Variants in PTK2 observed in about 807,000 individuals in gnomAD.
PTK2 encodes focal adhesion kinase 1.
Under a neutral mutation model 150.1 loss-of-function variants are expected in PTK2, and 45 were observed. The observed-to-expected ratio is 0.30, with a 90% CI of 0.24 to 0.38. PTK2 has a LOEUF of 0.38. PTK2 is among the 10% of genes least tolerant of loss of function. PTK2 has a pLI of 1.00. For synonymous variants in PTK2, 432 were observed against 449.2 expected (o/e 0.96, Z 0.48); for missense variants, 919 against 1,307.3 (o/e 0.70, Z 4.58).
chr8:140,861,253 G>A (rs1185846590), intron 5 of PTK2, among the ~76,000 whole-genome samples: 1 of 152,164 alleles, frequency 6.6e-6, no homozygotes, highest in Non-Finnish European at 1.5e-5. Flanking sequence ...GGAGGCTGAG[G>A]CAGGGCGATT....
upstream of PTK2, chr8:141,001,333 C>G (rs2100200188): frequency 6.8e-6 from 1 of 147,584 alleles, no homozygotes; most frequent in African/African-American, 2.4e-5. Context: ...CTGAGGCGCG[C>G]GTCCTCTCTC....
At chr8:140,953,352 G>A (rs1043871936) in intron 1 of PTK2, among the ~76,000 whole-genome samples, 3 of 152,138 alleles carry the variant, frequency 2.0e-5, no homozygotes, top group Admixed American at 6.5e-5. Flanking sequence ...ATAACAATAT[G>A]CCAGCATCAC....
chr8:140,808,136 TG>T (rs1380298641), intron 10 of PTK2, among the ~76,000 whole-genome samples: 1 of 152,172 alleles, frequency 6.6e-6, no homozygotes, highest in African/African-American at 2.4e-5. Flanking sequence ...GATTTTAGGA[TG>T]GGAGAAACTA....
chr8:140,996,219 T>G (rs1023440667), intron 1 of PTK2, among the ~76,000 whole-genome samples: 3 of 152,194 alleles, frequency 2.0e-5, no homozygotes, highest in Non-Finnish European at 4.4e-5. Context: ...CAGAGAAAGC[T>G]CCTCCTCTTC....
At chr8:140,856,103 T>C (rs2100132417) in intron 5 of PTK2, among the ~76,000 whole-genome samples, 1 of 152,168 alleles carries the variant, frequency 6.6e-6, no homozygotes, top group African/African-American at 2.4e-5. Flanking sequence ...TATTAGTTGG[T>C]ACCCAGAGAA....
chr8:140,720,269 C>T (rs1287579976), intron 22 of PTK2, among the ~76,000 whole-genome samples: 1 of 152,160 alleles, frequency 6.6e-6, no homozygotes, highest in African/African-American at 2.4e-5. Context: ...AAAACACCTT[C>T]TGTTATACTT....
chr8:140,932,868 T>TTTTC (rs897646118), intron 1 of PTK2, among the ~76,000 whole-genome samples: 2 of 150,864 alleles, frequency 1.3e-5, no homozygotes, highest in African/African-American at 4.9e-5. Flanking sequence ...TCCCCTTTTT[T>TTTTC]TGAGATGAAG....
At chr8:140,711,545 T>C (rs1467239238) in intron 23 of PTK2, among the ~76,000 whole-genome samples, 1 of 152,260 alleles carries the variant, frequency 6.6e-6, no homozygotes, top group Non-Finnish European at 1.5e-5. Context: ...GTATAGTTTA[T>C]GAGGCACTGA....
In PTK2 at chr8:140,774,943, C is replaced by T. The variant is rs145067579; in HGVS notation, c.1178-10653G>A. 4.5e-3 allele frequency among the ~76,000 whole-genome samples: 685 copies of T among 152,352 alleles called. 4 individuals are homozygous for T. The highest frequency in any genetic ancestry group is 0.016 in the African/African-American group (648 of 41,586). On this transcript the variant is annotated intron_variant, in intron 14 of 31. Coordinates refer to ENST00000522684, the Ensembl canonical transcript of PTK2. ...GCCCACCTCTTTCCCAGAAAACTCA[C>T]TAATAATCCACCCCTTGTTTAGAAT...
intron 1 of PTK2, among the ~76,000 whole-genome samples, chr8:140,936,247 A>C (rs894495169): frequency 3.3e-5 from 5 of 152,222 alleles, no homozygotes; most frequent in Non-Finnish European, 7.3e-5. Context: ...GGAAAACAAG[A>C]AGCAGGATCA....
intron 10 of PTK2, 108 bp from the exon 11 acceptor site, chr8:140,803,758 GAC>G: frequency 9.9e-7 from 1 of 1,006,092 alleles, no homozygotes; most frequent in Admixed American, 2.2e-5. Context: ...TCCTCCCTAA[GAC>G]TGGAGGTCTG....
chr8:140,702,197 C>T (rs1482835334), intron 25 of PTK2, among the ~76,000 whole-genome samples: 1 of 143,718 alleles, frequency 7.0e-6, no homozygotes, highest in Non-Finnish European at 1.5e-5. Flanking sequence ...ATAAAAGGTA[C>T]CTTAGGCCAT....
intron 14 of PTK2, among the ~76,000 whole-genome samples, chr8:140,779,916 G>T (rs1306022116): frequency 6.6e-6 from 1 of 152,048 alleles, no homozygotes; most frequent in Non-Finnish European, 1.5e-5. Flanking sequence ...CAGCAAACAG[G>T]TTTCCCAGTA....
At chr8:140,920,230 A>G (rs1057126756) in intron 2 of PTK2, among the ~76,000 whole-genome samples, 8 of 152,238 alleles carry the variant, frequency 5.3e-5, no homozygotes, top group African/African-American at 1.9e-4. Flanking sequence ...TTTAACTTCT[A>G]AATATGTTTC....
At chr8:140,661,032 C>T in intron 31 of PTK2, among the ~76,000 whole-genome samples, 1 of 152,196 alleles carries the variant, frequency 6.6e-6, no homozygotes, top group East Asian at 1.9e-4. Flanking sequence ...TAGAAAAGTA[C>T]ATAGATAAGA....
chr8:140,890,834 T>A, intron 2 of PTK2, 65 bp from the exon 3 acceptor site: 4 of 1,363,204 alleles, frequency 2.9e-6, no homozygotes, highest in Non-Finnish European at 4.2e-6. Flanking sequence ...CAATGTGATA[T>A]GTTGTTTATA....
At chr8:140,774,246 C>T (rs539712461) in intron 14 of PTK2, among the ~76,000 whole-genome samples, 5 of 152,280 alleles carry the variant, frequency 3.3e-5, no homozygotes, top group Admixed American at 2.6e-4. Flanking sequence ...GTATGTGTGG[C>T]AATGTGTGAT....
intron 4 of PTK2, among the ~76,000 whole-genome samples, chr8:140,870,677 T>C (rs1431254548): frequency 4.6e-5 from 7 of 152,142 alleles, no homozygotes; most frequent in African/African-American, 1.2e-4. Context: ...AAACTGGATA[T>C]AAAGATGTTA....
chr8:140,909,950 T>TA (rs1236354828), intron 2 of PTK2, among the ~76,000 whole-genome samples: 1 of 152,164 alleles, frequency 6.6e-6, no homozygotes, highest in African/African-American at 2.4e-5. Flanking sequence ...ATAACCAAAT[T>TA]AGACACAAAT....
Sources: allele counts gnomAD v4.1 joint callset (sites outside exome capture counted in the v4.1 genomes callset), GRCh38; gene constraint gnomAD v4.1.1; transcripts MANE v1.5; gene names NCBI Gene and HGNC (gene_info 2026-07-23, HGNC 2026-07-21).